The following POMT2 variants were observed in gnomAD, a reference collection of about 807,000 sequenced individuals.
The protein encoded by POMT2 is protein O-mannosyltransferase 2.
Under a neutral mutation model 100.0 loss-of-function variants are expected in POMT2, and 75 were observed. The ratio of observed to expected loss-of-function variants is 0.75; its 90% CI spans 0.62 to 0.91. The LOEUF (loss-of-function observed/expected upper bound fraction) is 0.91. Among genes scored for constraint, POMT2 ranks in the 40% least tolerant of loss-of-function variants. The pLI is 0.00. For missense variants in POMT2, 940 were observed against 955.1 expected, an observed-to-expected ratio of 0.98 and a Z score of 0.21; for synonymous variants, 378 against 374.1, an observed-to-expected ratio of 1.01 and a Z score of -0.12.
At chr14:77,279,235 G>T (rs765540946) in intron 18 of POMT2, 2 of 390,578 alleles carry the variant, frequency 5.1e-6, no homozygotes, top group African/African-American at 2.1e-5. Flanking sequence ...GAGGTTACAG[G>T]TGAGGATGGA....
At chr14:77,320,369 C>A in intron 1 of POMT2, 65 bp downstream of exon 1, 1 of 1,540,940 alleles carries the variant, frequency 6.5e-7, no homozygotes, top group South Asian at 1.2e-5. Flanking sequence ...TACCCTCGGG[C>A]CAATCAGAGG....
chr14:77,285,085 A>G (rs758200757), intron 13 of POMT2, 44 bp from the exon 14 acceptor site: 2 of 1,492,388 alleles, frequency 1.3e-6, no homozygotes, highest in Non-Finnish European at 1.9e-6. Flanking sequence ...AAGACGTGAA[A>G]TCCACCAGAG....
intron 6 of POMT2, chr14:77,300,286 A>T (rs537027071): frequency 6.4e-6 from 1 of 155,638 alleles, no homozygotes; most frequent in Non-Finnish European, 1.4e-5. Flanking sequence ...TGACTCCTAG[A>T]TACACCTCTC....
rs1890302922 is a variant in POMT2, at chr14:77,283,512, T to C, written c.1653+285A>G. Among the ~76,000 whole-genome samples, 4 of 152,242 alleles carry C rather than the reference T, an allele frequency of 2.6e-5. 1 individual carries two copies. In the South Asian group the frequency reaches 6.2e-4, roughly 24 times the overall value. ...TTCCCTCTCCTGTAACTGGGAATGA[T>C]GGCAACCTCCATATGATTGTAATAA... is the stretch of plus-strand genomic sequence containing the variant. On this transcript the variant is annotated intron_variant, in intron 15 of 20. Coordinates refer to ENST00000261534, the MANE Select transcript of POMT2 (RefSeq NM_013382.7).
At chr14:77,310,586 C>G (rs1490344843) in intron 2 of POMT2, among the ~76,000 whole-genome samples, 3 of 152,118 alleles carry the variant, frequency 2.0e-5, no homozygotes, top group Non-Finnish European at 4.4e-5. Flanking sequence ...GGGCCCCCTG[C>G]TCTCATGCTT....
intron 2 of POMT2, among the ~76,000 whole-genome samples, chr14:77,307,246 C>A (rs556581279): frequency 4.0e-4 from 61 of 152,328 alleles, no homozygotes; most frequent in African/African-American, 1.4e-3. Flanking sequence ...CCAGCCTGAC[C>A]CCCGAGCTCT....
chr14:77,301,810 G>A (rs1343469355), intron 5 of POMT2, among the ~76,000 whole-genome samples: 5 of 152,150 alleles, frequency 3.3e-5, no homozygotes, highest in Admixed American at 2.6e-4. Flanking sequence ...GCAGGCAGTG[G>A]GGCACAGTTT....
chr14:77,284,974 C>T lies in POMT2; in HGVS notation c.1552G>A (p.Val518Met), dbSNP rs200762716. The change falls in exon 14 of 21, where the codon GTG (valine) becomes ATG (methionine). Residue 518 changes from valine (V) to methionine (M), a missense_variant. Val to Met is a conservative substitution (Grantham distance 21). Transcript: ENST00000261534. ...CACTTGGGATTGATATGGTCCTCCA[C>T]ATTCCAGATGGAGTTGAGGGTTTCT... Reference protein sequence around the residue: ...LKETLNSIWNVEDHINPKLPN... With the variant: ...LKETLNSIWNMEDHINPKLPN... The T allele has an allele frequency of 3.5e-5, 56 of 1,612,662 alleles. No homozygotes were observed. The highest frequency in any genetic ancestry group is 1.4e-5 in the Non-Finnish European group (17 of 1,178,754).
intron 6 of POMT2, 150 bp from the exon 7 acceptor site, chr14:77,299,711 G>A (rs1890952613): frequency 1.5e-6 from 1 of 661,558 alleles, no homozygotes; most frequent in Non-Finnish European, 2.7e-6. Flanking sequence ...GAAACCCTAA[G>A]CCTTTCTGTA....
intron 16 of POMT2, 107 bp downstream of exon 16, chr14:77,280,285 A>AG (rs1318626629): frequency 5.7e-6 from 9 of 1,573,468 alleles, no homozygotes; most frequent in Admixed American, 3.7e-5. Flanking sequence ...CCATCCCAGG[A>AG]GGCCCCTCGC....
rs140542330 is a variant in POMT2 at position 77,283,991 on chromosome 14, T to C, written c.1577-118A>G. ...AGCCTTGCTGACAAGTTCACAACTG[T>C]TGAGGAGACAGAAGAAAGCTTGGCC... On this transcript the variant is annotated intron_variant, in intron 14 of 20. Coordinates refer to ENST00000261534, the MANE Select transcript of POMT2 (RefSeq NM_013382.7). 1,568 of 863,202 alleles carry C rather than the reference T, an allele frequency of 1.8e-3. 16 individuals carry two copies. Among genetic ancestry groups the C allele is most frequent in the Middle Eastern group, 8.4e-3 (35 of 4,160 alleles). 53.5% of individuals were successfully genotyped at this position (863,202 alleles called of 1,614,324 possible).
chr14:77,293,665 T>C (rs1890722015), intron 9 of POMT2, among the ~76,000 whole-genome samples: 1 of 152,208 alleles, frequency 6.6e-6, no homozygotes, highest in Non-Finnish European at 1.5e-5. Context: ...CCCCTCAATT[T>C]ACAGATGAGG....
chr14:77,278,240 G>A, intron 20 of POMT2, 154 bp downstream of exon 20: 1 of 695,224 alleles, frequency 1.4e-6, no homozygotes, highest in Non-Finnish European at 2.6e-6. Flanking sequence ...GGGGACTCTG[G>A]AAACCACGGC....
At chr14:77,284,161 G>A in intron 14 of POMT2, 1 of 434,650 alleles carries the variant, frequency 2.3e-6, no homozygotes. Context: ...TGGCTCAAAT[G>A]CTGCTCTCCT....
chr14:77,320,191 C>T (rs970054594), intron 1 of POMT2: 1 of 656,206 alleles, frequency 1.5e-6, no homozygotes, highest in Non-Finnish European at 2.6e-6. Context: ...TGTAGCATAA[C>T]CTGGAAGACA....
chr14:77,301,316 G>T, intron 5 of POMT2, 67 bp from the exon 6 acceptor site: 1 of 1,586,650 alleles, frequency 6.3e-7, no homozygotes, highest in Non-Finnish European at 8.6e-7. Flanking sequence ...GCGCAGCAGG[G>T]GACAGGGCAG....
At chr14:77,296,142 A>C (rs1162820612) in intron 9 of POMT2, 22 bp downstream of exon 9, 1 of 1,547,614 alleles carries the variant, frequency 6.5e-7, no homozygotes, top group African/African-American at 1.4e-5. Flanking sequence ...CTGCCGTACA[A>C]GTGCACAAAA....
intron 8 of POMT2, among the ~76,000 whole-genome samples, chr14:77,297,990 T>C (rs1456039910): frequency 7.9e-5 from 12 of 152,220 alleles, no homozygotes; most frequent in Admixed American, 7.2e-4. Flanking sequence ...CAAACCCTCA[T>C]AGTCTGGGCC....
chr14:77,290,362 C>T (rs72681225), intron 10 of POMT2, among the ~76,000 whole-genome samples: 2,991 of 152,242 alleles, frequency 0.02, 47 homozygotes, highest in Middle Eastern at 0.071. Context: ...AGACTCTGCC[C>T]AATGGTGTCG....
Sources: gnomAD v4.1 joint callset for allele counts (sites outside exome capture counted in the v4.1 genomes callset) on GRCh38, gnomAD v4.1.1 for gene constraint, MANE v1.5 for transcripts, NCBI Gene and HGNC (gene_info 2026-07-23, HGNC 2026-07-21) for gene names.